The following CGNL1 variants were observed in gnomAD, a reference collection of about 807,000 sequenced individuals.
The protein encoded by CGNL1 is cingulin-like protein 1.
In CGNL1, 132 loss-of-function variants were observed where a neutral mutation model predicts 141.2. The ratio of observed to expected loss-of-function variants is 0.93; its 90% CI spans 0.81 to 1.08. CGNL1 has a LOEUF of 1.08. Among genes scored for constraint, CGNL1 ranks in the 50% least tolerant of loss-of-function variants. The pLI, the probability that CGNL1 is intolerant of heterozygous loss-of-function variation, is 0.00. For missense variants in CGNL1, 1,870 were observed against 1,588.6 expected (o/e 1.18, Z -3.01); for synonymous variants, 690 against 622.1 (o/e 1.11, Z -1.63).
chr15:57,518,853 C>T lies in CGNL1; in HGVS notation c.2715+356C>T, dbSNP rs572838412. On this transcript the variant is annotated intron_variant, in intron 10 of 18. Transcript: ENST00000281282. ...AGTAATGCGAAGGCGGAGAGCCCTC[C>T]GTTTAGACGTTAAAGAGCTTGACAG... Among the ~76,000 whole-genome samples the T allele has an allele frequency of 6.6e-5, 10 of 152,324 alleles. No individual in the cohort carries two copies. The South Asian group carries it at 1.5e-3, about 22-fold the overall frequency.
At chr15:57,440,539 C>T (rs927386175) in intron 3 of CGNL1, 68 bp downstream of exon 3, 30 of 1,256,698 alleles carry the variant, frequency 2.4e-5, no homozygotes, top group South Asian at 1.5e-4. Context: ...TTTCCTTTTC[C>T]GAGGCTTTAA....
intron 16 of CGNL1, 49 bp downstream of exon 16, chr15:57,544,646 C>G (rs1345858384): frequency 1.3e-6 from 2 of 1,548,862 alleles, no homozygotes; most frequent in East Asian, 4.9e-5. Flanking sequence ...TGGGCAGTGA[C>G]AGTCCCATCG....
intron 1 of CGNL1, among the ~76,000 whole-genome samples, chr15:57,425,535 G>A (rs1034251794): frequency 6.6e-6 from 1 of 152,192 alleles, no homozygotes; most frequent in African/African-American, 2.4e-5. Context: ...TTGAGGTCAG[G>A]AGTTTGAGAT....
intron 8 of CGNL1, among the ~76,000 whole-genome samples, chr15:57,469,207 G>A (rs561395612): frequency 6.6e-6 from 1 of 151,954 alleles, no homozygotes; most frequent in African/African-American, 2.4e-5. Context: ...AGCATGAATT[G>A]GGGTGAGGAG....
chr15:57,459,304 TATAATAA>T (rs1448937184), intron 7 of CGNL1, among the ~76,000 whole-genome samples: 1 of 152,332 alleles, frequency 6.6e-6, no homozygotes, highest in East Asian at 1.9e-4. Flanking sequence ...GCATCAAAAA[TATAATAA>T]ATCAGATCTG....
At chr15:57,537,464 C>A (rs2032323118) in intron 14 of CGNL1, among the ~76,000 whole-genome samples, 1 of 151,772 alleles carries the variant, frequency 6.6e-6, no homozygotes, top group Admixed American at 6.6e-5. Flanking sequence ...AATTGAAATG[C>A]TCCTAATCTC....
intron 1 of CGNL1, among the ~76,000 whole-genome samples, chr15:57,427,993 T>C (rs1344046380): frequency 6.6e-6 from 1 of 152,188 alleles, no homozygotes; most frequent in Non-Finnish European, 1.5e-5. Flanking sequence ...TTCTTTTACA[T>C]TGTTCACATT....
At chr15:57,486,170 C>T (rs2063782870) in intron 8 of CGNL1, among the ~76,000 whole-genome samples, 1 of 152,124 alleles carries the variant, frequency 6.6e-6, no homozygotes, top group South Asian at 2.1e-4. Flanking sequence ...CATGCTGAGG[C>T]CTGAAACTTC....
chr15:57,414,673 C>CAACAAT (rs1249407644), intron 1 of CGNL1, among the ~76,000 whole-genome samples: 2 of 151,886 alleles, frequency 1.3e-5, no homozygotes, highest in Non-Finnish European at 2.9e-5. Context: ...ACAACAACAA[C>CAACAAT]AACAACAAAC....
chr15:57,503,266 C>T lies in CGNL1; in HGVS notation c.2404-13514C>T, dbSNP rs2064052141. On this transcript the variant is annotated intron_variant, in intron 8 of 18. Coordinates refer to ENST00000281282, the MANE Select transcript of CGNL1 (RefSeq NM_032866.5). ...CTGATGAGGTGGCCCCAGGGATGGG[C>T]CAAGTCTCTGTGACTCATACCCAAG... 2.0e-5 allele frequency among the ~76,000 whole-genome samples: 3 copies of T among 152,298 alleles called. No homozygotes were observed. In the South Asian group the frequency reaches 6.2e-4, roughly 32 times the overall value.
intron 8 of CGNL1, among the ~76,000 whole-genome samples, chr15:57,498,428 C>A (rs1007988182): frequency 6.6e-6 from 1 of 151,986 alleles, no homozygotes; most frequent in Non-Finnish European, 1.5e-5. Flanking sequence ...TGGTCTCAAA[C>A]CCCTGGGCTT....
At chr15:57,513,802 T>G (rs7496403) in intron 8 of CGNL1, among the ~76,000 whole-genome samples, 23,973 of 152,156 alleles carry the variant, frequency 0.16, 2,322 homozygotes, top group East Asian at 0.46. Flanking sequence ...GATTACAGGC[T>G]TGAGTCACTG....
chr15:57,403,031 A>C (rs2062677271), intron 1 of CGNL1, among the ~76,000 whole-genome samples: 1 of 152,228 alleles, frequency 6.6e-6, no homozygotes, highest in Non-Finnish European at 1.5e-5. Flanking sequence ...GTGGTGGTTC[A>C]AATGATGTCA....
intron 1 of CGNL1, among the ~76,000 whole-genome samples, chr15:57,414,667 C>CAACAAG: frequency 6.6e-6 from 1 of 151,956 alleles, no homozygotes; most frequent in Non-Finnish European, 1.5e-5. Context: ...ACCAAAACAA[C>CAACAAG]AACAACAACA....
At chr15:57,457,787 C>T (rs1168465656) in intron 7 of CGNL1, among the ~76,000 whole-genome samples, 1 of 152,180 alleles carries the variant, frequency 6.6e-6, no homozygotes, top group Non-Finnish European at 1.5e-5. Context: ...TCCCACTGGG[C>T]TCCTCCCTCA....
At chr15:57,527,584 G>C (rs1057370726) in intron 12 of CGNL1, 1 of 152,268 alleles carries the variant, frequency 6.6e-6, no homozygotes, top group African/African-American at 2.4e-5. Context: ...TGAGCTGGCT[G>C]GTCTCCCCAG....
In CGNL1 at chr15:57,545,701, G is replaced by A; in HGVS notation, c.3609+1G>A. ...GTCATTGACTGATCAGAAGGACCAG[G>A]TGGGGAGCCTCTGCGTGCATTTGCT... On this transcript the variant is annotated splice_donor_variant, in intron 17 of 18. Transcript: ENST00000281282. LOFTEE classifies it high-confidence loss of function. 1.2e-6 allele frequency: 2 copies of A among 1,609,902 alleles called. No individual in the cohort carries two copies. Among genetic ancestry groups the A allele is most frequent in the Non-Finnish European group, 1.7e-6 (2 of 1,177,584 alleles).
intron 8 of CGNL1, among the ~76,000 whole-genome samples, chr15:57,506,260 T>TC (rs1217494238): frequency 1.3e-5 from 2 of 152,214 alleles, no homozygotes; most frequent in African/African-American, 4.8e-5. Flanking sequence ...TGGAGTCCCT[T>TC]CCGCCAGCCA....
chr15:57,497,869 A>T (rs1459899883), intron 8 of CGNL1, among the ~76,000 whole-genome samples: 1 of 152,206 alleles, frequency 6.6e-6, no homozygotes, highest in African/African-American at 2.4e-5. Flanking sequence ...TTTCTTTCTC[A>T]CATTAGTGGG....
Sources: gnomAD v4.1 joint callset for allele counts (sites outside exome capture counted in the v4.1 genomes callset) on GRCh38, gnomAD v4.1.1 for gene constraint, MANE v1.5 for transcripts, NCBI Gene and HGNC (gene_info 2026-07-23, HGNC 2026-07-21) for gene names.